The following RAB3C variants were observed in gnomAD, a reference collection of about 807,000 sequenced individuals.
The protein encoded by RAB3C is ras-related protein Rab-3C.
A neutral mutation model predicts 26.4 loss-of-function variants in RAB3C; 17 were observed. The observed-to-expected ratio is 0.64, with a 90% CI of 0.44 to 0.97. RAB3C has a LOEUF of 0.97. Ranked by LOEUF, RAB3C falls within the 50% of genes least tolerant of loss-of-function variation. RAB3C has a pLI of 0.00. For missense variants in RAB3C, 242 were observed against 281.9 expected, an observed-to-expected ratio of 0.86 and a Z score of 1.01; for synonymous variants, 91 against 95.9, an observed-to-expected ratio of 0.95 and a Z score of 0.30.
chr5:58,768,175 C>A (rs1010742858), intron 3 of RAB3C, among the ~76,000 whole-genome samples: 1 of 152,110 alleles, frequency 6.6e-6, no homozygotes, highest in Non-Finnish European at 1.5e-5. Context: ...GAAATGCCTA[C>A]AGGATCATGC....
At chr5:58,734,123 A>C (rs1221645939) in intron 3 of RAB3C, among the ~76,000 whole-genome samples, 3 of 152,188 alleles carry the variant, frequency 2.0e-5, no homozygotes. Context: ...AGTTTTAAAT[A>C]ATTCATTTCT....
chr5:58,663,479 C>T (rs1027598213), intron 2 of RAB3C, among the ~76,000 whole-genome samples: 5 of 150,208 alleles, frequency 3.3e-5, no homozygotes, highest in Non-Finnish European at 5.9e-5. Flanking sequence ...TAATTTTGAT[C>T]ATCTTACTCC....
chr5:58,710,262 T>G (rs980499012), intron 2 of RAB3C, among the ~76,000 whole-genome samples: 2 of 152,014 alleles, frequency 1.3e-5, no homozygotes, highest in Non-Finnish European at 2.9e-5. Flanking sequence ...TAAAGAGAAA[T>G]GTATATCATT....
In RAB3C at chr5:58,856,485, T is replaced by C. The variant is rs1184644510; in HGVS notation, c.*5134T>C. 6.6e-6 allele frequency: 1 copy of C among 152,112 alleles called. No individual in the cohort carries two copies. Among genetic ancestry groups the C allele is most frequent in the East Asian group, 1.9e-4 (1 of 5,184 alleles). 9.4% of individuals were successfully genotyped at this position (152,112 alleles called of 1,614,324 possible). ...GAATGACAGGACCAAGAATAGAAAA[T>C]GAGACTCAAATTTCACCATTTACTT... On this transcript the variant is annotated 3_prime_UTR_variant, in exon 5 of 5. Coordinates refer to ENST00000282878, the MANE Select transcript of RAB3C (RefSeq NM_138453.4).
intron 2 of RAB3C, among the ~76,000 whole-genome samples, chr5:58,714,646 AT>A (rs1446357532): frequency 1.3e-5 from 2 of 152,152 alleles, no homozygotes; most frequent in African/African-American, 2.4e-5. Context: ...ATTATGATTT[AT>A]GATAGGAATG....
intron 4 of RAB3C, among the ~76,000 whole-genome samples, chr5:58,841,297 A>G (rs1199885023): frequency 6.6e-6 from 1 of 152,212 alleles, no homozygotes; most frequent in Non-Finnish European, 1.5e-5. Flanking sequence ...CTCTTCCCCC[A>G]GCTGAAAGTG....
chr5:58,845,579 G>A (rs949099927), intron 4 of RAB3C, among the ~76,000 whole-genome samples: 99 of 96,948 alleles, frequency 1.0e-3, no homozygotes, highest in Non-Finnish European at 1.6e-3. Context: ...CATTCATTTA[G>A]GACAGTGATT....
At chr5:58,604,218 G>A (rs956612916) in intron 1 of RAB3C, among the ~76,000 whole-genome samples, 1 of 152,150 alleles carries the variant, frequency 6.6e-6, no homozygotes, top group Non-Finnish European at 1.5e-5. Context: ...GGTGGCAGAG[G>A]GTACAGTGGA....
At chr5:58,590,848 C>T (rs891889474) in intron 1 of RAB3C, among the ~76,000 whole-genome samples, 4 of 152,120 alleles carry the variant, frequency 2.6e-5, no homozygotes, top group Non-Finnish European at 5.9e-5. Context: ...CCTGTCAGGT[C>T]ACTGATTTTA....
intron 2 of RAB3C, among the ~76,000 whole-genome samples, chr5:58,636,988 A>G (rs1434010501): frequency 6.6e-6 from 1 of 152,054 alleles, no homozygotes; most frequent in Non-Finnish European, 1.5e-5. Context: ...TTTTAATAAT[A>G]GGTTAGTTAT....
At chr5:58,737,397 AT>A (rs1403660142) in intron 3 of RAB3C, among the ~76,000 whole-genome samples, 1 of 524 alleles carries the variant, frequency 1.9e-3, no homozygotes, top group African/African-American at 6.1e-3. Context: ...CCTATGAAAT[AT>A]ATATATATAT....
chr5:58,791,879 A>G (rs1742531466), intron 3 of RAB3C, among the ~76,000 whole-genome samples: 1 of 152,216 alleles, frequency 6.6e-6, no homozygotes, highest in African/African-American at 2.4e-5. Flanking sequence ...TGATGTTGGG[A>G]AAATATTTAT....
At chr5:58,614,553 C>T (rs1179185204) in intron 1 of RAB3C, among the ~76,000 whole-genome samples, 3 of 152,040 alleles carry the variant, frequency 2.0e-5, no homozygotes, top group African/African-American at 7.2e-5. Context: ...TTTAGAGGCT[C>T]TTCCTGAGAA....
At chr5:58,732,084 A>T (rs73757957) in intron 3 of RAB3C, among the ~76,000 whole-genome samples, 2,259 of 122,002 alleles carry the variant, frequency 0.019, 57 homozygotes, top group African/African-American at 0.058. Context: ...TTATTTATTT[A>T]TTTTTTTCTG....
chr5:58,671,315 A>T (rs159009), intron 2 of RAB3C, among the ~76,000 whole-genome samples: 6 of 151,982 alleles, frequency 3.9e-5, no homozygotes, highest in Non-Finnish European at 8.8e-5. Flanking sequence ...GCAGATCAGG[A>T]AAGTTCAATA....
intron 1 of RAB3C, among the ~76,000 whole-genome samples, chr5:58,600,088 C>T (rs1429933643): frequency 6.6e-6 from 1 of 152,048 alleles, no homozygotes; most frequent in East Asian, 1.9e-4. Flanking sequence ...TATCCCAGCA[C>T]CAGTTGTTGA....
chr5:58,614,773 T>A (rs1228230767), intron 1 of RAB3C, among the ~76,000 whole-genome samples: 1 of 152,154 alleles, frequency 6.6e-6, no homozygotes, highest in African/African-American at 2.4e-5. Context: ...TAGTTCACCC[T>A]TCATATACAT....
chr5:58,770,121 G>C (rs1742001847), intron 3 of RAB3C, among the ~76,000 whole-genome samples: 3 of 152,150 alleles, frequency 2.0e-5, no homozygotes, highest in Non-Finnish European at 2.9e-5. Context: ...CCCAGGGTGA[G>C]AGTAGGATGC....
At chr5:58,698,228 T>C (rs1748761013) in intron 2 of RAB3C, among the ~76,000 whole-genome samples, 1 of 152,210 alleles carries the variant, frequency 6.6e-6, no homozygotes, top group African/African-American at 2.4e-5. Context: ...AAAATTCTTT[T>C]CTTTAAGAAT....
Sources: allele counts gnomAD v4.1 joint callset (sites outside exome capture counted in the v4.1 genomes callset), GRCh38; gene constraint gnomAD v4.1.1; transcripts MANE v1.5; gene names NCBI Gene and HGNC (gene_info 2026-07-23, HGNC 2026-07-21).